PEAR1: variants seen among roughly 807,000 people sequenced by gnomAD.
The protein encoded by PEAR1 is multiple EGF-like domains protein 12.
Under a neutral mutation model 131.2 loss-of-function variants are expected in PEAR1, and 113 were observed. The observed-to-expected ratio is 0.86, with a 90% CI of 0.74 to 1.01. The LOEUF (loss-of-function observed/expected upper bound fraction) is 1.01, where lower values mean the gene tolerates loss of function less well. Among genes scored for constraint, PEAR1 ranks in the 50% least tolerant of loss-of-function variants. PEAR1 has a pLI of 0.00. For missense variants in PEAR1, 1,408 were observed against 1,391.1 expected, an observed-to-expected ratio of 1.01 and a Z score of -0.19; for synonymous variants, 565 against 523.3, an observed-to-expected ratio of 1.08 and a Z score of -1.09.
intron 15 of PEAR1, 69 bp downstream of exon 15, chr1:156,910,812 T>G: frequency 6.3e-7 from 1 of 1,590,876 alleles, no homozygotes; most frequent in African/African-American, 1.3e-5. Context: ...GGGAGGTCTC[T>G]GTCCCCCAGC....
At chr1:156,905,058 T>A in intron 3 of PEAR1, 1 of 1,461,228 alleles carries the variant, frequency 6.8e-7, no homozygotes, top group Non-Finnish European at 9.4e-7. Flanking sequence ...TACGCATGCA[T>A]GTTACAGTAT....
At chr1:156,911,852 A>C (rs894339250) in intron 15 of PEAR1, among the ~76,000 whole-genome samples, 1 of 152,200 alleles carries the variant, frequency 6.6e-6, no homozygotes, top group African/African-American at 2.4e-5. Flanking sequence ...GGTTACAACT[A>C]CTATTAGATT....
At chr1:156,911,074 TTTC>T (rs1319017429) in intron 15 of PEAR1, among the ~76,000 whole-genome samples, 4 of 113,110 alleles carry the variant, frequency 3.5e-5, no homozygotes, top group African/African-American at 2.3e-4. Context: ...TCTTTCTTTC[TTTC>T]TTTCTTTCTT....
In PEAR1 at chr1:156,912,622, G is replaced by A. The variant is rs1329277675; in HGVS notation, c.2209G>A (p.Gly737Arg). Residue 737 changes from glycine to arginine, a missense_variant and splice_region_variant, in exon 17 of 23, where the codon GGA becomes AGA. By Grantham distance (125) the Gly-to-Arg change is moderately radical. Coordinates refer to ENST00000292357, the MANE Select transcript of PEAR1 (RefSeq NM_001080471.3). Reference sequence around the variant, plus strand: ...GCACAGTGGTGCACCTTGCAGGATTGGTGAGTTCTTTGCCCTCTCCTTCCC... The same window carrying A: ...GCACAGTGGTGCACCTTGCAGGATTAGTGAGTTCTTTGCCCTCTCCTTCCC... ...PGHSGAPCRI[G>R]IQEPFTVMPT... The A allele has an allele frequency of 6.2e-7, 1 of 1,612,994 alleles. No individual in the cohort carries two copies.
At position 156,908,629 on chromosome 1, in the gene PEAR1, C is replaced by T. The variant is rs4661011; in HGVS notation, c.1116-26C>T. On this transcript the variant is annotated intron_variant, in intron 9 of 22. Coordinates refer to ENST00000292357, the MANE Select transcript of PEAR1 (RefSeq NM_001080471.3). This position sits in a 1 kb window ranked among gnomAD's most constrained non-coding sequence, Gnocchi z 4.2. ...CCCTGCCCCTGCCCAGCTCAGACCG[C>T]GCCACGCCCCCGCCTCTGCCCCCAG... The T allele has an allele frequency of 0.055, 82,756 of 1,500,560 alleles. 7,063 individuals carry two copies. The highest frequency in any genetic ancestry group is 0.41 in the East Asian group (16,617 of 40,502). 93.0% of individuals were successfully genotyped at this position (1,500,560 alleles called of 1,614,324 possible).
intron 11 of PEAR1, 26 bp from the exon 12 acceptor site, chr1:156,909,725 A>C (rs1553268829): frequency 1.3e-6 from 2 of 1,574,748 alleles, no homozygotes; most frequent in Non-Finnish European, 8.7e-7. Flanking sequence ...GGGTCCCCAT[A>C]CCTACCTACC....
chr1:156,910,486 T>A, intron 14 of PEAR1, 106 bp downstream of exon 14: 1 of 1,545,504 alleles, frequency 6.5e-7, no homozygotes, highest in Non-Finnish European at 8.8e-7. Context: ...TCTCCCACCT[T>A]ACCCCCGGTC....
chr1:156,910,002 C>T lies in PEAR1; in HGVS notation c.1576-4C>T, dbSNP rs1251643017. ...GCCTACCTGCTCCCCACTCCTTCTC[C>T]AAGAAGGGGCAGTTTGGAGAAGGTT... On this transcript the variant is annotated splice_polypyrimidine_tract_variant and splice_region_variant and intron_variant, in intron 12 of 22. Transcript: ENST00000292357. 1 of 1,613,508 alleles carries T rather than the reference C, an allele frequency of 6.2e-7. No homozygotes were observed. The highest frequency in any genetic ancestry group is 8.5e-7 in the Non-Finnish European group (1 of 1,180,020).
In PEAR1 at chr1:156,912,855, G is replaced by C. The variant is rs765216175; in HGVS notation, c.2295G>C (p.Gly765=). Residue 765 remains glycine (G), a synonymous_variant, in exon 18 of 23, where the codon GGG becomes GGC. Transcript: ENST00000292357. The part of the protein sequence containing the change: ...LGAVIGIAVL[G]SLVVALVALF... ...CAGTGATTGGCATTGCAGTGCTGGG[G>C]TCCCTTGTGGTAGCCCTGGTGGCAC... The C allele has an allele frequency of 1.2e-6, 2 of 1,614,230 alleles. No individual in the cohort carries two copies. Among genetic ancestry groups the C allele is most frequent in the Non-Finnish European group, 1.7e-6 (2 of 1,180,036 alleles).
At chr1:156,909,723 A>T in intron 11 of PEAR1, 28 bp from the exon 12 acceptor site, 1 of 1,573,794 alleles carries the variant, frequency 6.4e-7, no homozygotes, top group Non-Finnish European at 8.7e-7. Flanking sequence ...ATGGGTCCCC[A>T]TACCTACCTA....
intron 22 of PEAR1, 112 bp downstream of exon 22, chr1:156,914,212 G>A (rs927689027): frequency 3.5e-6 from 5 of 1,435,976 alleles, no homozygotes; most frequent in African/African-American, 1.4e-5. Context: ...CAAGAGTGAG[G>A]CCTTTGGGGT....
chr1:156,907,489 GGAAA>G, intron 6 of PEAR1, 117 bp from the exon 7 acceptor site: 4 of 1,456,352 alleles, frequency 2.7e-6, no homozygotes, highest in Non-Finnish European at 3.6e-6. Flanking sequence ...GTCCCCAGCA[GGAAA>G]GAGCAAGTGT....
At chr1:156,912,659 C>T (rs552129461) in intron 17 of PEAR1, 37 bp downstream of exon 17, 7 of 1,609,528 alleles carry the variant, frequency 4.3e-6, no homozygotes, top group Non-Finnish European at 5.1e-6. Context: ...CCCATTGTCC[C>T]CAGGGAACTG....
chr1:156,898,144 T>C (rs1649341683), intron 1 of PEAR1, among the ~76,000 whole-genome samples: 1 of 152,254 alleles, frequency 6.6e-6, no homozygotes, highest in Admixed American at 6.5e-5. Flanking sequence ...CCCTCCACTG[T>C]GCTGCCTACC....
At chr1:156,903,333 C>T (rs1048704213) in intron 1 of PEAR1, among the ~76,000 whole-genome samples, 6 of 152,144 alleles carry the variant, frequency 3.9e-5, no homozygotes, top group Admixed American at 6.5e-5. Context: ...CTGAGGTAGC[C>T]GATTCTATTC....
intron 11 of PEAR1, among the ~76,000 whole-genome samples, chr1:156,909,295 C>T (rs1650765803): frequency 1.3e-5 from 2 of 152,206 alleles, no homozygotes; most frequent in African/African-American, 2.4e-5. Flanking sequence ...CCCTCACCCT[C>T]AGTCATACGG....
intron 6 of PEAR1, among the ~76,000 whole-genome samples, 182 bp downstream of exon 6, chr1:156,907,062 C>T (rs1172746601): frequency 6.6e-6 from 1 of 152,186 alleles, no homozygotes; most frequent in Non-Finnish European, 1.5e-5. Context: ...ATCATTGACT[C>T]GTTGTGGGCT....
chr1:156,913,295 G>T lies in PEAR1; in HGVS notation c.2511+13G>T, dbSNP rs1384447801. On this transcript the variant is annotated intron_variant, in intron 19 of 22. Transcript: ENST00000292357. ...ACCCCCTAACAAGGTCAGTGCCGGGGGAGGGGGTGCACTGTGGAGGGAAGC... is the reference window on the plus strand; with the variant it reads ...ACCCCCTAACAAGGTCAGTGCCGGGTGAGGGGGTGCACTGTGGAGGGAAGC... The T allele has an allele frequency of 1.2e-6, 2 of 1,602,044 alleles. No homozygotes were observed. The highest frequency in any genetic ancestry group is 1.7e-6 in the Non-Finnish European group (2 of 1,173,680).
chr1:156,911,159 TTTC>T (rs1651116240), intron 15 of PEAR1, among the ~76,000 whole-genome samples: 1 of 141,268 alleles, frequency 7.1e-6, no homozygotes, highest in Non-Finnish European at 1.5e-5. Context: ...TTTCTTTTTC[TTTC>T]TTTCTTTCCT....
Sources: gnomAD v4.1 joint callset for allele counts (sites outside exome capture counted in the v4.1 genomes callset) on GRCh38, gnomAD v4.1.1 for gene constraint, Gnocchi (gnomAD v3.1) non-coding constraint, MANE v1.5 for transcripts, NCBI Gene and HGNC (gene_info 2026-07-23, HGNC 2026-07-21) for gene names.